Variants in MGAT4C observed in about 807,000 individuals in gnomAD.
The protein encoded by MGAT4C is alpha-1,3-mannosyl-glycoprotein 4-beta-N-acetylglucosaminyltransferase C.
A neutral mutation model predicts 40.1 loss-of-function variants in MGAT4C; 19 were observed. That is an observed-to-expected ratio of 0.47 (90% CI 0.33 to 0.70). The LOEUF is 0.70. Ranked by LOEUF, MGAT4C falls within the 30% of genes least tolerant of loss-of-function variation. MGAT4C has a pLI of 0.02. For missense variants in MGAT4C, 491 were observed against 563.2 expected, an observed-to-expected ratio of 0.87 and a Z score of 1.30; for synonymous variants, 181 against 187.1, an observed-to-expected ratio of 0.97 and a Z score of 0.27.
chr12:86,034,346 C>T lies in MGAT4C; in HGVS notation c.-7+15328G>A, dbSNP rs568378663. ...GGAATAGTACCCACTCTTCTTTATA[C>T]ATTGGTAGAATTTGGCTGTGAATCC... is the stretch of plus-strand genomic sequence containing the variant. On this transcript the variant is annotated intron_variant, in intron 2 of 4. Transcript: ENST00000611864. Among the ~76,000 whole-genome samples, 110 of 149,680 alleles carry T rather than the reference C, an allele frequency of 7.3e-4. 2 individuals carry two copies. Among genetic ancestry groups the T allele is most frequent in the African/African-American group, 2.5e-3 (102 of 41,342 alleles).
At chr12:86,770,682 T>G (rs563794826) in intron 1 of MGAT4C, among the ~76,000 whole-genome samples, 3 of 152,208 alleles carry the variant, frequency 2.0e-5, no homozygotes, top group Non-Finnish European at 4.4e-5. Context: ...CATCAACTTA[T>G]GTATGAATTC....
intron 4 of MGAT4C, among the ~76,000 whole-genome samples, chr12:86,326,284 G>T (rs774330770): frequency 3.5e-5 from 5 of 144,136 alleles, no homozygotes; most frequent in Non-Finnish European, 7.5e-5. Context: ...GGGTAGATCT[G>T]CAGTATTCTC....
intron 2 of MGAT4C, among the ~76,000 whole-genome samples, chr12:86,685,953 C>T (rs1045559020): frequency 6.6e-6 from 1 of 151,732 alleles, no homozygotes; most frequent in African/African-American, 2.4e-5. Context: ...AGCTCTGCCT[C>T]CCAGGTTCAC....
chr12:86,793,875 A>G (rs886630436), intron 1 of MGAT4C, among the ~76,000 whole-genome samples: 1 of 152,006 alleles, frequency 6.6e-6, no homozygotes, highest in Non-Finnish European at 1.5e-5. Flanking sequence ...TGAAACAGTG[A>G]TATTGGTAAA....
At chr12:86,645,747 C>T (rs1223377984) in intron 2 of MGAT4C, among the ~76,000 whole-genome samples, 1 of 151,712 alleles carries the variant, frequency 6.6e-6, no homozygotes, top group Non-Finnish European at 1.5e-5. Flanking sequence ...TTCTTGACAG[C>T]AGTGGCCTTT....
At chr12:86,796,720 T>C (rs993118013) in intron 1 of MGAT4C, among the ~76,000 whole-genome samples, 4 of 151,942 alleles carry the variant, frequency 2.6e-5, no homozygotes, top group Admixed American at 2.6e-4. Context: ...AGGAAACGCA[T>C]ATGTTAATTA....
chr12:86,114,690 T>C (rs1322212587), intron 1 of MGAT4C, among the ~76,000 whole-genome samples: 1 of 152,006 alleles, frequency 6.6e-6, no homozygotes, highest in African/African-American at 2.4e-5. Flanking sequence ...AGTTGTTCTC[T>C]GAGGTGCCCA....
At chr12:86,771,587 C>G (rs531150648) in intron 1 of MGAT4C, among the ~76,000 whole-genome samples, 2 of 152,094 alleles carry the variant, frequency 1.3e-5, no homozygotes, top group Admixed American at 6.6e-5. Flanking sequence ...GTGGTTGATG[C>G]CTGTAATCCC....
At position 85,968,465 on chromosome 12, in the gene MGAT4C, T is replaced by C. The variant is rs1883466005; in HGVS notation, c.*10824A>G. On this transcript the variant is annotated 3_prime_UTR_variant, in exon 5 of 5. Transcript: ENST00000611864. Reference sequence around the variant, plus strand: ...ATTCAATAGGAAGGCATGCAGAGTGTTCTCTATAAACCCAGCAAAACCATA... The same window carrying C: ...ATTCAATAGGAAGGCATGCAGAGTGCTCTCTATAAACCCAGCAAAACCATA... The C allele has an allele frequency of 1.3e-5, 2 of 151,970 alleles. No homozygotes were observed. The highest frequency in any genetic ancestry group is 4.8e-5 in the African/African-American group (2 of 41,418). 9.4% of individuals were successfully genotyped at this position (151,970 alleles called of 1,614,324 possible).
intron 3 of MGAT4C, among the ~76,000 whole-genome samples, chr12:86,378,649 A>G (rs1380583807): frequency 1.3e-5 from 2 of 152,138 alleles, no homozygotes; most frequent in African/African-American, 4.8e-5. Flanking sequence ...AGAAAGTTTG[A>G]ATTATAGAGA....
At chr12:86,513,248 A>T (rs1214933333) in intron 2 of MGAT4C, among the ~76,000 whole-genome samples, 2 of 152,164 alleles carry the variant, frequency 1.3e-5, no homozygotes, top group Non-Finnish European at 2.9e-5. Flanking sequence ...AAATATATTT[A>T]CAGGAAAATA....
intron 4 of MGAT4C, among the ~76,000 whole-genome samples, chr12:86,268,905 T>C (rs1300851298): frequency 6.9e-6 from 1 of 145,420 alleles, no homozygotes; most frequent in African/African-American, 2.5e-5. Context: ...TTTTTTTGCC[T>C]GAAAAACAAG....
chr12:86,837,587 T>C (rs979449613), intron 1 of MGAT4C, among the ~76,000 whole-genome samples: 1 of 152,074 alleles, frequency 6.6e-6, no homozygotes, highest in Non-Finnish European at 1.5e-5. Context: ...TACACCATGC[T>C]CCAGGTCAAA....
intron 2 of MGAT4C, among the ~76,000 whole-genome samples, chr12:86,527,327 AT>A (rs764202004): frequency 1.3e-5 from 2 of 151,992 alleles, no homozygotes; most frequent in Non-Finnish European, 2.9e-5. Flanking sequence ...AAATACATGA[AT>A]TTGTATCTCT....
At chr12:85,996,599 AAGATAG>A (rs879802988) in intron 2 of MGAT4C, among the ~76,000 whole-genome samples, 1 of 152,232 alleles carries the variant, frequency 6.6e-6, no homozygotes, top group Non-Finnish European at 1.5e-5. Flanking sequence ...AATAAAAGAA[AAGATAG>A]AGATAAACAT....
intron 2 of MGAT4C, among the ~76,000 whole-genome samples, chr12:86,000,619 C>T (rs1363659484): frequency 1.3e-5 from 2 of 152,094 alleles, no homozygotes; most frequent in Non-Finnish European, 2.9e-5. Flanking sequence ...TCTACACAAG[C>T]TACTCCAGAA....
intron 2 of MGAT4C, among the ~76,000 whole-genome samples, chr12:86,654,158 T>C (rs1159504381): frequency 1.3e-5 from 2 of 151,948 alleles, no homozygotes; most frequent in African/African-American, 2.4e-5. Context: ...TAGGAGAAAC[T>C]GGAGAAAGTA....
chr12:86,744,915 T>C (rs1447620737), intron 1 of MGAT4C, among the ~76,000 whole-genome samples: 3 of 151,524 alleles, frequency 2.0e-5, no homozygotes, highest in Non-Finnish European at 4.4e-5. Flanking sequence ...GCTTAAAATG[T>C]GTATTGGTTC....
At chr12:86,130,557 T>C (rs1168099247) in intron 1 of MGAT4C, among the ~76,000 whole-genome samples, 1 of 152,106 alleles carries the variant, frequency 6.6e-6, no homozygotes, top group Non-Finnish European at 1.5e-5. Context: ...TTCTCTAGTG[T>C]TGCTTTTCTT....
Sources: allele counts gnomAD v4.1 joint callset (sites outside exome capture counted in the v4.1 genomes callset), GRCh38; gene constraint gnomAD v4.1.1; transcripts MANE v1.5; gene names NCBI Gene and HGNC (gene_info 2026-07-23, HGNC 2026-07-21).